Variants in TAFA1 observed in about 807,000 individuals in gnomAD.
The protein encoded by TAFA1 is chemokine-like protein TAFA-1.
In TAFA1, 4 loss-of-function variants were observed where a neutral mutation model predicts 18.5. The observed-to-expected ratio is 0.22, with a 90% CI of 0.11 to 0.49. TAFA1 has a LOEUF of 0.49. Among genes scored for constraint, TAFA1 ranks in the 20% least tolerant of loss-of-function variants. The pLI, the probability that TAFA1 is intolerant of heterozygous loss-of-function variation, is 0.98. For synonymous variants in TAFA1, 56 were observed against 55.2 expected, an observed-to-expected ratio of 1.01 and a Z score of -0.06; for missense variants, 147 against 169.0, an observed-to-expected ratio of 0.87 and a Z score of 0.72.
intron 2 of TAFA1, among the ~76,000 whole-genome samples, chr3:68,364,020 A>G (rs987777095): frequency 2.6e-5 from 4 of 152,186 alleles, no homozygotes; most frequent in African/African-American, 9.6e-5. Context: ...GAGGTTAGGA[A>G]TCTCAGAAAT....
At chr3:68,419,839 G>A (rs939058653) in intron 3 of TAFA1, among the ~76,000 whole-genome samples, 5 of 152,200 alleles carry the variant, frequency 3.3e-5, no homozygotes, top group African/African-American at 9.6e-5. Flanking sequence ...AAGGAATCGC[G>A]GTGAACCAAT....
chr3:68,376,468 C>T (rs970155562), intron 2 of TAFA1, among the ~76,000 whole-genome samples: 28 of 152,206 alleles, frequency 1.8e-4, no homozygotes, highest in Admixed American at 1.4e-3. Flanking sequence ...CATGTGTTCT[C>T]ATCATTTAGC....
At chr3:68,459,230 G>A (rs1419470775) in intron 3 of TAFA1, among the ~76,000 whole-genome samples, 3 of 152,108 alleles carry the variant, frequency 2.0e-5, no homozygotes, top group Non-Finnish European at 4.4e-5. Flanking sequence ...TCCTGAGAGG[G>A]GAGTGGGGAG....
At chr3:68,395,770 C>G (rs1451166917) in intron 2 of TAFA1, among the ~76,000 whole-genome samples, 1 of 151,982 alleles carries the variant, frequency 6.6e-6, no homozygotes, top group Non-Finnish European at 1.5e-5. Flanking sequence ...AACATATGGG[C>G]TCAGGGAGGG....
At chr3:68,424,843 C>T (rs982582975) in intron 3 of TAFA1, among the ~76,000 whole-genome samples, 103 of 151,902 alleles carry the variant, frequency 6.8e-4, no homozygotes, top group Non-Finnish European at 4.1e-4. Flanking sequence ...TTTTTAGAAC[C>T]TTTTTAACTG....
chr3:68,056,737 T>C (rs2064541153), intron 2 of TAFA1, among the ~76,000 whole-genome samples: 1 of 152,146 alleles, frequency 6.6e-6, no homozygotes, highest in Non-Finnish European at 1.5e-5. Flanking sequence ...GGGCTACTCC[T>C]AGAGGGTTTT....
intron 3 of TAFA1, among the ~76,000 whole-genome samples, chr3:68,438,667 A>C (rs1250805673): frequency 6.6e-6 from 1 of 152,094 alleles, no homozygotes; most frequent in Non-Finnish European, 1.5e-5. Flanking sequence ...GCTCCACCCC[A>C]GTGATAAGTC....
chr3:68,110,487 G>A (rs771693414), intron 2 of TAFA1, among the ~76,000 whole-genome samples: 16 of 152,086 alleles, frequency 1.1e-4, no homozygotes, highest in African/African-American at 3.9e-4. Context: ...ATTCCTTTGG[G>A]TATATACCCA....
intron 2 of TAFA1, among the ~76,000 whole-genome samples, chr3:68,113,401 A>G (rs2065283453): frequency 2.6e-5 from 4 of 152,350 alleles, no homozygotes; most frequent in African/African-American, 7.2e-5. Flanking sequence ...CACACCATTT[A>G]CAAAAATCAA....
intron 2 of TAFA1, among the ~76,000 whole-genome samples, chr3:68,214,693 T>C (rs1466325421): frequency 6.6e-6 from 1 of 152,096 alleles, no homozygotes; most frequent in Non-Finnish European, 1.5e-5. Flanking sequence ...AAATTCTTGA[T>C]TCTGTGTCTA....
At chr3:68,377,766 C>T (rs188129123) in intron 2 of TAFA1, among the ~76,000 whole-genome samples, 27 of 152,172 alleles carry the variant, frequency 1.8e-4, no homozygotes, top group Admixed American at 1.5e-3. Context: ...AAAATGGTTT[C>T]GTGATTTGGG....
intron 2 of TAFA1, among the ~76,000 whole-genome samples, chr3:68,134,703 C>T (rs1011459287): frequency 2.6e-5 from 4 of 152,126 alleles, no homozygotes; most frequent in African/African-American, 9.7e-5. Context: ...CTATCGACTC[C>T]ATGCTATTTG....
chr3:68,354,652 T>G (rs948293449), intron 2 of TAFA1, among the ~76,000 whole-genome samples: 12 of 152,018 alleles, frequency 7.9e-5, no homozygotes, highest in African/African-American at 2.7e-4. Flanking sequence ...ACTAGGTAAT[T>G]AATAAAGAAC....
At position 68,112,280 on chromosome 3, in the gene TAFA1, C is replaced by G. The variant is rs13076275; in HGVS notation, c.118+105536C>G. Reference sequence around the variant, plus strand: ...GTAGAAATTCTAAACAAATAATTAGCGAATCGAATTCAGCTATGCATCCTG... The same window carrying G: ...GTAGAAATTCTAAACAAATAATTAGGGAATCGAATTCAGCTATGCATCCTG... On this transcript the variant is annotated intron_variant, in intron 2 of 4. Transcript: ENST00000478136. Among the ~76,000 whole-genome samples, 4 of 151,832 alleles carry G rather than the reference C, an allele frequency of 2.6e-5. No homozygotes were observed. In the South Asian group the frequency reaches 8.3e-4, roughly 32 times the overall value.
chr3:68,461,286 C>CA (rs770392704), intron 3 of TAFA1, among the ~76,000 whole-genome samples: 1 of 125,542 alleles, frequency 8.0e-6, no homozygotes, highest in African/African-American at 3.0e-5. Context: ...TGCCAAAAAA[C>CA]AAACAAACAA....
chr3:68,188,947 C>T (rs1022274241), intron 2 of TAFA1, among the ~76,000 whole-genome samples: 1 of 151,772 alleles, frequency 6.6e-6, no homozygotes, highest in African/African-American at 2.4e-5. Flanking sequence ...GACTTGTGAC[C>T]ATGCTTGTGT....
rs2067480476 is a variant in TAFA1, at chr3:68,263,571, C to T, written c.119-153709C>T. Among the ~76,000 whole-genome samples the T allele has an allele frequency of 2.6e-5, 4 of 151,614 alleles. No homozygotes were observed. The South Asian group carries it at 8.3e-4, about 32-fold the overall frequency. On this transcript the variant is annotated intron_variant, in intron 2 of 4. Transcript: ENST00000478136. ...CTGGAAGGGGTGATAGAGATTTCAT[C>T]CTATGACCTCGCTTTACAGAACAAG... is the stretch of plus-strand genomic sequence containing the variant.
At chr3:68,201,815 A>G (rs571528726) in intron 2 of TAFA1, among the ~76,000 whole-genome samples, 2 of 151,878 alleles carry the variant, frequency 1.3e-5, no homozygotes, top group African/African-American at 4.8e-5. Context: ...TAGCAGCAGC[A>G]TCTGCTGGCT....
At position 68,390,181 on chromosome 3, in the gene TAFA1, G is replaced by A. The variant is rs138151536; in HGVS notation, c.119-27099G>A. Among the ~76,000 whole-genome samples the A allele has an allele frequency of 3.2e-3, 485 of 152,244 alleles. 4 individuals are homozygous for A. Among genetic ancestry groups the A allele is most frequent in the African/African-American group, 0.01 (430 of 41,554 alleles). On this transcript the variant is annotated intron_variant, in intron 2 of 4. Coordinates refer to ENST00000478136, the MANE Select transcript of TAFA1 (RefSeq NM_213609.4). ...AAGCTTGGTGGGGGAAGGGGCGTCCGCCATTACTGAGGCTTGAGTACAGGG... is the reference window on the plus strand; with the variant it reads ...AAGCTTGGTGGGGGAAGGGGCGTCCACCATTACTGAGGCTTGAGTACAGGG...
Sources: gnomAD v4.1 joint callset for allele counts (sites outside exome capture counted in the v4.1 genomes callset) on GRCh38, gnomAD v4.1.1 for gene constraint, MANE v1.5 for transcripts, NCBI Gene and HGNC (gene_info 2026-07-23, HGNC 2026-07-21) for gene names.